DAPK1: variants seen among roughly 807,000 people sequenced by gnomAD.
DAPK1 encodes death-associated protein kinase 1.
In DAPK1, 56 loss-of-function variants were observed where a neutral mutation model predicts 144.9. That is an observed-to-expected ratio of 0.39 (90% CI 0.31 to 0.48). The LOEUF (loss-of-function observed/expected upper bound fraction) is 0.48. Among genes scored for constraint, DAPK1 ranks in the 20% least tolerant of loss-of-function variants. The probability of loss-of-function intolerance (pLI) is 0.95; values close to 1 mark genes in which losing one functional copy is unlikely to be tolerated. For missense variants in DAPK1, 1,454 were observed against 1,875.4 expected (o/e 0.78, Z 4.15); for synonymous variants, 690 against 749.0 (o/e 0.92, Z 1.29).
chr9:87,579,492 G>C (rs988050565), intron 2 of DAPK1, among the ~76,000 whole-genome samples: 1 of 152,152 alleles, frequency 6.6e-6, no homozygotes, highest in African/African-American at 2.4e-5. Context: ...AAAAGTGGTG[G>C]GGAAATGGTA....
At chr9:87,608,641 G>A (rs1470679172) in intron 3 of DAPK1, among the ~76,000 whole-genome samples, 4 of 152,218 alleles carry the variant, frequency 2.6e-5, no homozygotes, top group Admixed American at 1.3e-4. Context: ...GCTCTGTACT[G>A]TTTTTCAATT....
rs924888427 is a variant in DAPK1 at position 87,647,390 on chromosome 9, A to G, written c.1316A>G (p.Asp439Gly). 4.3e-6 allele frequency: 7 copies of G among 1,614,080 alleles called. No individual in the cohort carries two copies. Among genetic ancestry groups the G allele is most frequent in the Non-Finnish European group, 5.9e-6 (7 of 1,179,970 alleles). ...KFLSENKCPL[D>G]VKDKSGEMAL... The stretch of plus-strand genomic sequence containing the variant: ...CTCAGTGAGAACAAATGCCCTTTGG[A>G]TGTGAAAGACAAGGTAAGGCCACTT... Residue 439 changes from aspartate (D) to glycine (G), a missense_variant, in exon 14 of 26, where the codon GAT becomes GGT. Asp to Gly is a moderately conservative substitution (Grantham distance 94). Around this residue, in one of 2 missense-constraint regions of DAPK1, gnomAD observed 429 missense variants for 637.5 expected, o/e 0.67. Transcript: ENST00000408954.
intron 20 of DAPK1, among the ~76,000 whole-genome samples, chr9:87,685,304 T>G (rs1824799458): frequency 6.6e-6 from 1 of 152,196 alleles, no homozygotes; most frequent in East Asian, 1.9e-4. Context: ...TCCCCTCCGT[T>G]GGATACCCCC....
At chr9:87,691,839 A>G (rs1056314468) in intron 21 of DAPK1, among the ~76,000 whole-genome samples, 6 of 152,106 alleles carry the variant, frequency 3.9e-5, no homozygotes, top group African/African-American at 1.4e-4. Context: ...CTGTGGTTTG[A>G]GGAGATACTT....
intron 2 of DAPK1, among the ~76,000 whole-genome samples, chr9:87,519,365 G>A (rs927073817): frequency 2.0e-5 from 3 of 152,224 alleles, no homozygotes; most frequent in Non-Finnish European, 4.4e-5. Flanking sequence ...GAGGGTTGGT[G>A]TTTACCAGTG....
At chr9:87,540,974 G>A (rs191274672) in intron 2 of DAPK1, among the ~76,000 whole-genome samples, 25 of 152,174 alleles carry the variant, frequency 1.6e-4, no homozygotes, top group Admixed American at 1.6e-3. Context: ...GCCTCACACA[G>A]GAATGAAAGT....
chr9:87,554,459 AG>A (rs144430835), intron 2 of DAPK1: 48,485 of 147,566 alleles, frequency 0.33, 7,897 homozygotes, highest in Middle Eastern at 0.51. Context: ...AAAAAAAAAA[AG>A]TCTTTACTTC....
At chr9:87,540,574 A>C (rs1317525296) in intron 2 of DAPK1, among the ~76,000 whole-genome samples, 1 of 152,212 alleles carries the variant, frequency 6.6e-6, no homozygotes, top group Non-Finnish European at 1.5e-5. Context: ...TAGTAGATAC[A>C]GTGTTCAGTA....
At chr9:87,514,565 T>A (rs1291177402) in intron 2 of DAPK1, among the ~76,000 whole-genome samples, 2 of 152,264 alleles carry the variant, frequency 1.3e-5, no homozygotes, top group Non-Finnish European at 2.9e-5. Flanking sequence ...TGACTTGTTT[T>A]CTGGTTATTG....
At chr9:87,547,770 A>C (rs1203655690) in intron 2 of DAPK1, among the ~76,000 whole-genome samples, 1 of 152,154 alleles carries the variant, frequency 6.6e-6, no homozygotes, top group African/African-American at 2.4e-5. Flanking sequence ...ATCTGCTGGC[A>C]GAATTCCCTC....
chr9:87,699,593 G>T (rs932914165), intron 23 of DAPK1, among the ~76,000 whole-genome samples: 1 of 152,200 alleles, frequency 6.6e-6, no homozygotes, highest in Non-Finnish European at 1.5e-5. Flanking sequence ...AAAACAGTTT[G>T]AACCTGCAGC....
Position 87,617,086 on chromosome 9 carries a change from G to A in DAPK1, c.284+11911G>A, listed in dbSNP as rs180872541. ...TAAGTAGTTACAACCCAAACTTCCC[G>A]GTGTCCCCCTTCCCCAATGGCATCC... is the stretch of plus-strand genomic sequence containing the variant. On this transcript the variant is annotated intron_variant, in intron 3 of 25. Coordinates refer to ENST00000408954, the MANE Select transcript of DAPK1 (RefSeq NM_004938.4). 8.9e-4 allele frequency among the ~76,000 whole-genome samples: 136 copies of A among 152,232 alleles called. No individual in the cohort carries two copies. In the South Asian group the frequency reaches 0.011, roughly 12 times the overall value.
intron 2 of DAPK1, among the ~76,000 whole-genome samples, chr9:87,561,530 G>GAAA (rs58732772): frequency 1.0e-4 from 15 of 149,872 alleles, no homozygotes; most frequent in African/African-American, 2.0e-4. Context: ...CGTCTCAAAA[G>GAAA]AAAAAAAAAA....
intron 2 of DAPK1, among the ~76,000 whole-genome samples, chr9:87,517,764 G>T (rs566539728): frequency 6.6e-6 from 1 of 152,300 alleles, no homozygotes; most frequent in East Asian, 1.9e-4. Flanking sequence ...TCTGCTAGCT[G>T]GGGTAGAGTA....
At chr9:87,571,835 G>A (rs948288139) in intron 2 of DAPK1, among the ~76,000 whole-genome samples, 4 of 152,228 alleles carry the variant, frequency 2.6e-5, no homozygotes, top group Admixed American at 2.6e-4. Context: ...CTGGGATGGG[G>A]ACATGGGGGT....
rs1286741369 is a variant in DAPK1 at position 87,698,784 on chromosome 9, A to G, written c.2740A>G (p.Ile914Val). ...CAAAGACACATCGTTGCTGAAAGAG[A>G]TTAGGAACAGGTGAGGGGCAGCCAC... The part of the protein sequence containing the change: ...YDKDTSLLKE[I>V]RNRFGNDLHI... Residue 914 changes from isoleucine (I) to valine (V), a missense_variant, in exon 23 of 26, where the codon ATT (isoleucine) becomes GTT (valine). Transcript: ENST00000408954. 6 of 1,606,292 alleles carry G rather than the reference A, an allele frequency of 3.7e-6. No individual in the cohort carries two copies. The highest frequency in any genetic ancestry group is 3.3e-5 in the Admixed American group (2 of 59,978).
At chr9:87,501,726 G>A (rs1436199317) in intron 2 of DAPK1, among the ~76,000 whole-genome samples, 2 of 152,182 alleles carry the variant, frequency 1.3e-5, no homozygotes, top group Non-Finnish European at 2.9e-5. Context: ...TAGGAAAATT[G>A]AAAATGTTCG....
chr9:87,646,156 G>A, intron 12 of DAPK1, 142 bp downstream of exon 12: 1 of 1,056,616 alleles, frequency 9.5e-7, no homozygotes, highest in Non-Finnish European at 1.3e-6. Flanking sequence ...CTTCTGTTTA[G>A]AAAGTGATTT....
At chr9:87,655,455 A>G (rs796678551) in intron 17 of DAPK1, among the ~76,000 whole-genome samples, 1 of 152,314 alleles carries the variant, frequency 6.6e-6, no homozygotes, top group African/African-American at 2.4e-5. Context: ...AAGCACATCC[A>G]GCTTTCTAGA....
Sources: allele counts gnomAD v4.1 joint callset (sites outside exome capture counted in the v4.1 genomes callset), GRCh38; gene constraint gnomAD v4.1.1; regional missense constraint gnomAD v4.1.1; transcripts MANE v1.5; gene names NCBI Gene and HGNC (gene_info 2026-07-23, HGNC 2026-07-21).